The following ADAMTSL2 variants were observed in gnomAD, a reference collection of about 807,000 sequenced individuals.
The protein encoded by ADAMTSL2 is ADAMTS like 2.
ADAMTSL2 carries 55 observed loss-of-function variants against 117.0 expected under a neutral mutation model. That is an observed-to-expected ratio of 0.47 (90% CI 0.38 to 0.59). The LOEUF is 0.59. Ranked by LOEUF, ADAMTSL2 falls within the 20% of genes least tolerant of loss-of-function variation. The probability of loss-of-function intolerance (pLI) is 0.00; values close to 1 mark genes in which losing one functional copy is unlikely to be tolerated. For synonymous variants in ADAMTSL2, 572 were observed against 566.4 expected (o/e 1.01, Z -0.14); for missense variants, 1,182 against 1,354.5 (o/e 0.87, Z 2.00).
intron 11 of ADAMTSL2, among the ~76,000 whole-genome samples, chr9:133,556,795 G>A (rs1277947100): frequency 2.6e-5 from 4 of 152,184 alleles, no homozygotes; most frequent in African/African-American, 7.2e-5. Context: ...CTGTGTCAGG[G>A]GCCAGCTGTG....
intron 16 of ADAMTSL2, 123 bp from the exon 17 acceptor site, chr9:133,570,208 G>A: frequency 9.2e-7 from 1 of 1,083,358 alleles, no homozygotes; most frequent in Non-Finnish European, 1.3e-6. Context: ...AGTTTGTTAT[G>A]CACTGGAGCA....
chr9:133,558,813 G>C lies in ADAMTSL2; in HGVS notation c.1650-2385G>C, dbSNP rs1424250579. ...GATTTCCTTGGTGTTCCGCTTCCCTGTGCTACTTCCAAGAACGGAACCTGC... is the reference window on the plus strand; with the variant it reads ...GATTTCCTTGGTGTTCCGCTTCCCTCTGCTACTTCCAAGAACGGAACCTGC... On this transcript the variant is annotated intron_variant, in intron 11 of 18. Transcript: ENST00000651351. This position sits in a 1 kb window ranked among gnomAD's most constrained non-coding sequence, Gnocchi z 4.3. Among the ~76,000 whole-genome samples, 1 of 152,240 alleles carries C rather than the reference G, an allele frequency of 6.6e-6. No homozygotes were observed. The highest frequency in any genetic ancestry group is 1.5e-5 in the Non-Finnish European group (1 of 68,042).
rs1286282985 is a variant in ADAMTSL2 at position 133,568,378 on chromosome 9, C to G, written c.1980C>G (p.Ser660=). The change falls in exon 14 of 19, where the codon TCC becomes TCG. Residue 660 remains serine, a synonymous_variant. Transcript: ENST00000651351. ...WKMLSPGFDS[S]VYSDLCEAAE... ...TGCTCTCGCCCGGCTTCGACAGCTCCGTGTACAGCGACCTGTGCGAGGCAG... is the reference window on the plus strand; with the variant it reads ...TGCTCTCGCCCGGCTTCGACAGCTCGGTGTACAGCGACCTGTGCGAGGCAG... 3 of 1,605,312 alleles carry G rather than the reference C, an allele frequency of 1.9e-6. No individual in the cohort carries two copies. Among genetic ancestry groups the G allele is most frequent in the Admixed American group, 3.4e-5 (2 of 59,044 alleles).
chr9:133,540,402 A>G (rs1236242405), intron 5 of ADAMTSL2, among the ~76,000 whole-genome samples, 196 bp from the exon 6 acceptor site: 2 of 152,120 alleles, frequency 1.3e-5, no homozygotes, highest in Non-Finnish European at 2.9e-5. Flanking sequence ...AGAAGCTGGA[A>G]CTCACGGGGT....
In ADAMTSL2 at chr9:133,569,102, T is replaced by C. The variant is rs979001972; in HGVS notation, c.2245-306T>C. ...CTCCCCATCTCTGTCTCTCTGTGTCTGTCTTTGTCTCTTTCCCTGTCTCTG... is the reference window on the plus strand; with the variant it reads ...CTCCCCATCTCTGTCTCTCTGTGTCCGTCTTTGTCTCTTTCCCTGTCTCTG... On this transcript the variant is annotated intron_variant, in intron 15 of 18. Coordinates refer to ENST00000651351, the MANE Select transcript of ADAMTSL2 (RefSeq NM_014694.4). Among the ~76,000 whole-genome samples, 784 of 152,194 alleles carry C rather than the reference T, an allele frequency of 5.2e-3. 7 individuals are homozygous for C. The highest frequency in any genetic ancestry group is 0.018 in the African/African-American group (755 of 41,504).
chr9:133,538,266 T>C, intron 3 of ADAMTSL2, 83 bp from the exon 4 acceptor site: 1 of 1,528,954 alleles, frequency 6.5e-7, no homozygotes, highest in African/African-American at 1.4e-5. Flanking sequence ...AGATTCTGGA[T>C]CCCAGTGGCC....
At position 133,540,556 on chromosome 9, in the gene ADAMTSL2, C is replaced by T. The variant is rs72779243; in HGVS notation, c.413-42C>T. ...GGGAAGTCCTCTGAATCCGGCATTT[C>T]CTGCCCCGCTGAAACCTTCTGTCTT... On this transcript the variant is annotated intron_variant, in intron 5 of 18. Coordinates refer to ENST00000651351, the MANE Select transcript of ADAMTSL2 (RefSeq NM_014694.4). The T allele has an allele frequency of 1.6e-5, 25 of 1,609,596 alleles. No homozygotes were observed. In the South Asian group the frequency reaches 2.8e-4, roughly 18 times the overall value.
chr9:133,536,483 G>A (rs1371520480), intron 1 of ADAMTSL2, 80 bp from the exon 2 acceptor site: 4 of 1,478,648 alleles, frequency 2.7e-6, no homozygotes, highest in Non-Finnish European at 3.6e-6. Context: ...TGTCTTGCCT[G>A]AAGCAGGCAT....
chr9:133,534,683 GGCCGCCGGCGCAGA>G (rs1830005415), upstream of ADAMTSL2: 3 of 1,349,418 alleles, frequency 2.2e-6, no homozygotes, highest in Middle Eastern at 2.8e-4. Context: ...CTATAAAGGC[GGCCGCCGGCGCAGA>G]GCCGCCACTG....
chr9:133,555,431 C>T (rs952919752), intron 10 of ADAMTSL2, 127 bp from the exon 11 acceptor site: 2 of 1,247,612 alleles, frequency 1.6e-6, no homozygotes, highest in Non-Finnish European at 1.1e-6. Context: ...GGCAGAAGCC[C>T]TCCTTCTGGG....
chr9:133,536,787 G>A lies in ADAMTSL2; in HGVS notation c.75G>A (p.Val25=), dbSNP rs1830063050. 2 of 1,614,040 alleles carry A rather than the reference G, an allele frequency of 1.2e-6. No homozygotes were observed. The highest frequency in any genetic ancestry group is 1.3e-5 in the African/African-American group (1 of 74,938). The change falls in exon 2 of 19, where the codon GTG becomes GTA. Residue 25 remains valine, a synonymous_variant. Coordinates refer to ENST00000651351, the MANE Select transcript of ADAMTSL2 (RefSeq NM_014694.4). The part of the protein sequence containing the change: ...LVLAVVAGDT[V]STGSTDNSPT... ...TGGCAGTTGTAGCTGGGGACACAGT[G>A]TCAACCGGGTCCACGGTGAGTGGGG...
At position 133,575,171 on chromosome 9, in the gene ADAMTSL2, A is replaced by G; in HGVS notation, c.*307A>G. The G allele has an allele frequency of 2.4e-6, 1 of 422,694 alleles. No individual in the cohort carries two copies. The highest frequency in any genetic ancestry group is 4.4e-6 in the Non-Finnish European group (1 of 227,316). 26.2% of individuals were successfully genotyped at this position (422,694 alleles called of 1,614,324 possible). Reference sequence around the variant, plus strand: ...CCAGCCCCCCAGCAGCCCCCAGCCGAGGGGCCCAGGGCCCACAGCCAGCGG... The same window carrying G: ...CCAGCCCCCCAGCAGCCCCCAGCCGGGGGGCCCAGGGCCCACAGCCAGCGG... On this transcript the variant is annotated 3_prime_UTR_variant, in exon 19 of 19. Coordinates refer to ENST00000651351, the MANE Select transcript of ADAMTSL2 (RefSeq NM_014694.4).
At chr9:133,563,832 AGAGAGAGAGAGG>A (rs1830811764) in intron 12 of ADAMTSL2, among the ~76,000 whole-genome samples, 2 of 89,004 alleles carry the variant, frequency 2.2e-5, no homozygotes, top group Non-Finnish European at 4.7e-5. Flanking sequence ...AGAGAGAGAG[AGAGAGAGAGAGG>A]GAGAGAGAGA....
intron 12 of ADAMTSL2, among the ~76,000 whole-genome samples, chr9:133,564,183 GGAGAGAGA>G (rs1267561929): frequency 2.1e-4 from 1 of 4,740 alleles, no homozygotes; most frequent in Admixed American, 1.9e-3. Context: ...AGAGAGAGAG[GGAGAGAGA>G]GAGAGAGGGA....
rs1376184638 is a variant in ADAMTSL2 at position 133,549,206 on chromosome 9, G to A, written c.939+1993G>A. Among the ~76,000 whole-genome samples, 2 of 43,550 alleles carry A rather than the reference G, an allele frequency of 4.6e-5. 1 individual carries two copies. Among genetic ancestry groups the A allele is most frequent in the Non-Finnish European group, 1.5e-4 (2 of 13,046 alleles). 28.6% of individuals were successfully genotyped at this position (43,550 alleles called of 152,430 possible). ...TTTTTAGTAGAGACAGGGTTTCACC[G>A]TTTTAGCCGGGATGGTCTCGATCTC... On this transcript the variant is annotated intron_variant, in intron 9 of 18. Transcript: ENST00000651351.
At position 133,554,252 on chromosome 9, in the gene ADAMTSL2, C is replaced by A; in HGVS notation, c.940-105C>A. On this transcript the variant is annotated intron_variant, in intron 9 of 18. Coordinates refer to ENST00000651351, the MANE Select transcript of ADAMTSL2 (RefSeq NM_014694.4). The surrounding 1 kb of genome is among the most constrained non-coding windows in gnomAD (Gnocchi z 5.2). ...TCATTCCCTGAGGGGGCTCAACTGC[C>A]AGTCACAGCAGGGAACGCACCCTGC... 1 of 1,051,864 alleles carries A rather than the reference C, an allele frequency of 9.5e-7. No homozygotes were observed. The highest frequency in any genetic ancestry group is 1.4e-6 in the Non-Finnish European group (1 of 734,886). The allele number at this position is 1,051,864 out of a possible 1,614,324, so 65.2% of individuals were successfully genotyped here. A position where few individuals can be genotyped will look rare whatever the true frequency, so the allele number is the denominator to read the frequency against.
chr9:133,565,091 G>T (rs1830934201), intron 12 of ADAMTSL2, among the ~76,000 whole-genome samples: 1 of 152,170 alleles, frequency 6.6e-6, no homozygotes. Context: ...GCGCTCCAGG[G>T]CACCGTGGTG....
chr9:133,568,951 T>C (rs1444119094), intron 15 of ADAMTSL2, among the ~76,000 whole-genome samples, 193 bp downstream of exon 15: 1 of 152,184 alleles, frequency 6.6e-6, no homozygotes, highest in Non-Finnish European at 1.5e-5. Context: ...ACCTTCCCTC[T>C]ATCACCTGTT....
At chr9:133,570,178 C>T (rs1299007922) in intron 16 of ADAMTSL2, among the ~76,000 whole-genome samples, 153 bp from the exon 17 acceptor site, 4 of 152,204 alleles carry the variant, frequency 2.6e-5, no homozygotes, top group Admixed American at 6.5e-5. Context: ...AAATGGTTAT[C>T]GAACAAAGAG....
Sources: allele counts gnomAD v4.1 joint callset (sites outside exome capture counted in the v4.1 genomes callset), GRCh38; gene constraint gnomAD v4.1.1; non-coding constraint Gnocchi (gnomAD v3.1); transcripts MANE v1.5; gene names NCBI Gene and HGNC (gene_info 2026-07-23, HGNC 2026-07-21).